Variants in RBM27 observed in about 807,000 individuals in gnomAD.
RBM27 encodes the protein RNA-binding protein 27.
RBM27 carries 22 observed loss-of-function variants against 135.3 expected under a neutral mutation model. The ratio of observed to expected loss-of-function variants is 0.16; its 90% confidence interval spans 0.12 to 0.23. The LOEUF (loss-of-function observed/expected upper bound fraction) is 0.23. RBM27 is among the 10% of genes least tolerant of loss of function. RBM27 has a pLI of 1.00. For synonymous variants in RBM27, 481 were observed against 442.4 expected, an observed-to-expected ratio of 1.09 and a Z score of -1.10; for missense variants, 1,009 against 1,281.0, an observed-to-expected ratio of 0.79 and a Z score of 3.24.
At chr5:146,246,633 A>G (rs1037115780) in intron 8 of RBM27, among the ~76,000 whole-genome samples, 9 of 152,158 alleles carry the variant, frequency 5.9e-5, no homozygotes, top group African/African-American at 2.2e-4. Flanking sequence ...AGCTATGATC[A>G]CACCTATGAA....
intron 8 of RBM27, among the ~76,000 whole-genome samples, chr5:146,244,659 C>A (rs1036123038): frequency 1.3e-5 from 2 of 152,040 alleles, no homozygotes; most frequent in African/African-American, 4.8e-5. Flanking sequence ...CTACCTCAGC[C>A]TCCTGAGTAG....
rs1758401340 is a variant in RBM27, at chr5:146,261,645, G to C, written c.2029G>C (p.Glu677Gln). The change falls in exon 13 of 21, where the codon GAG becomes CAG. Residue 677 changes from glutamate to glutamine, a missense_variant. This residue lies in a region of RBM27 where 355 missense variants were observed against 427.3 expected (regional missense o/e 0.83). Coordinates refer to ENST00000265271, the MANE Select transcript of RBM27 (RefSeq NM_018989.2). ...AGTCTTGTGGCATAGGGAAAATAATGAGCAACCGACACTACAGTCCTCAGC... is the reference window on the plus strand; with the variant it reads ...AGTCTTGTGGCATAGGGAAAATAATCAGCAACCGACACTACAGTCCTCAGC... ...IRVLWHRENN[E>Q]QPTLQSSAQL... The C allele has an allele frequency of 1.2e-6, 2 of 1,614,154 alleles. No homozygotes were observed. Among genetic ancestry groups the C allele is most frequent in the African/African-American group, 2.7e-5 (2 of 75,028 alleles).
At chr5:146,249,765 G>A (rs1169721529) in intron 8 of RBM27, among the ~76,000 whole-genome samples, 1 of 148,890 alleles carries the variant, frequency 6.7e-6, no homozygotes, top group Non-Finnish European at 1.5e-5. Flanking sequence ...GTAATAATTA[G>A]CTGATTCTTT....
chr5:146,210,518 A>G (rs1440915725), intron 1 of RBM27, among the ~76,000 whole-genome samples: 1 of 152,106 alleles, frequency 6.6e-6, no homozygotes, highest in African/African-American at 2.4e-5. Context: ...AAAAAAAAAA[A>G]TATGTGAAAG....
At position 146,280,910 on chromosome 5, in the gene RBM27, T is replaced by G. The variant is rs531279272; in HGVS notation, c.2989-3712T>G. On this transcript the variant is annotated intron_variant, in intron 19 of 20. Coordinates refer to ENST00000265271, the MANE Select transcript of RBM27 (RefSeq NM_018989.2). The stretch of plus-strand genomic sequence containing the variant: ...TCTCGCTCTGTCACTCAGGCTGGAG[T>G]GCAGTGGCATGATCTTGGCTCACTG... Among the ~76,000 whole-genome samples, 3 of 152,246 alleles carry G rather than the reference T, an allele frequency of 2.0e-5. No individual in the cohort carries two copies. The East Asian group carries it at 5.8e-4, about 29-fold the overall frequency.
At chr5:146,270,885 C>A in intron 17 of RBM27, 69 bp from the exon 18 acceptor site, 1 of 936,640 alleles carries the variant, frequency 1.1e-6, no homozygotes, top group Non-Finnish European at 1.6e-6. Context: ...CATTGTGTAA[C>A]TATCATGTTC....
intron 13 of RBM27, 64 bp from the exon 14 acceptor site, chr5:146,263,427 T>C: frequency 6.7e-7 from 1 of 1,490,674 alleles, no homozygotes; most frequent in Non-Finnish European, 9.2e-7. Context: ...TCATCTTAAA[T>C]TTGTACCATT....
intron 1 of RBM27, among the ~76,000 whole-genome samples, chr5:146,217,158 G>A (rs1756231641): frequency 6.6e-6 from 1 of 151,776 alleles, no homozygotes; most frequent in Non-Finnish European, 1.5e-5. Context: ...GTAGAGACGG[G>A]GTTTCGTCAT....
rs767340431 is a variant in RBM27 at position 146,271,016 on chromosome 5, C to G, written c.2754C>G (p.Asp918Glu). Residue 918 changes from aspartate to glutamate, a missense_variant, in exon 18 of 21, where the codon GAC becomes GAG. Physicochemically the swap from Asp to Glu is conservative, Grantham distance 45 (BLOSUM62 2). This residue lies in a region of RBM27 where 355 missense variants were observed against 427.3 expected (regional missense o/e 0.83). Transcript: ENST00000265271. Reference sequence around the variant, plus strand: ...ACAAGAGGCTGTCCTCAGGAGAAGACACCACAGAATTACGGAAAAAACTCA... The same window carrying G: ...ACAAGAGGCTGTCCTCAGGAGAAGAGACCACAGAATTACGGAAAAAACTCA... ...DLHKRLSSGE[D>E]TTELRKKLSQ... 1.2e-6 allele frequency: 2 copies of G among 1,613,638 alleles called. No homozygotes were observed. The highest frequency in any genetic ancestry group is 1.7e-4 in the Middle Eastern group (1 of 6,060).
intron 12 of RBM27, 80 bp downstream of exon 12, chr5:146,260,978 A>G (rs1011835377): frequency 5.8e-6 from 8 of 1,369,516 alleles, no homozygotes; most frequent in Non-Finnish European, 7.1e-6. Flanking sequence ...CCTTGTTTAA[A>G]TGAGTCAGTG....
chr5:146,251,930 G>A (rs1390718897), intron 9 of RBM27, 55 bp downstream of exon 9: 22 of 1,569,488 alleles, frequency 1.4e-5, no homozygotes, highest in Non-Finnish European at 1.7e-5. Context: ...ACCTCAAGCT[G>A]GCCAGTCTAA....
Position 146,203,636 on chromosome 5 carries a change from G to T in RBM27, c.-130G>T. Reference sequence around the variant, plus strand: ...TGTTAGGCCCCGGCCGGGGGAGTAGGTTGAAGTCTCCTAAGATGCCCGGTG... The same window carrying T: ...TGTTAGGCCCCGGCCGGGGGAGTAGTTTGAAGTCTCCTAAGATGCCCGGTG... On this transcript the variant is annotated 5_prime_UTR_variant, in exon 1 of 21. Coordinates refer to ENST00000265271, the MANE Select transcript of RBM27 (RefSeq NM_018989.2). The T allele has an allele frequency of 1.2e-6, 1 of 825,344 alleles. No individual in the cohort carries two copies. The highest frequency in any genetic ancestry group is 2.8e-5 in the East Asian group (1 of 36,056). 51.1% of individuals were successfully genotyped at this position (825,344 alleles called of 1,614,324 possible).
At position 146,213,082 on chromosome 5, in the gene RBM27, G is replaced by A. The variant is rs547391746; in HGVS notation, c.60-5903G>A. Among the ~76,000 whole-genome samples, 18 of 151,378 alleles carry A rather than the reference G, an allele frequency of 1.2e-4. No homozygotes were observed. In the South Asian group the frequency reaches 3.8e-3, roughly 32 times the overall value. ...TAGTTTATCATAAGTGTAACTACTG[G>A]TCAGAGAATATGGATTTTTTTTGTT... On this transcript the variant is annotated intron_variant, in intron 1 of 20. Transcript: ENST00000265271.
At chr5:146,279,579 G>A (rs1248688480) in intron 19 of RBM27, among the ~76,000 whole-genome samples, 5 of 151,962 alleles carry the variant, frequency 3.3e-5, no homozygotes, top group African/African-American at 7.2e-5. Context: ...AGGCCGAGGC[G>A]GGTGGATCAC....
At chr5:146,253,210 C>T (rs1757968486) in intron 9 of RBM27, among the ~76,000 whole-genome samples, 1 of 152,080 alleles carries the variant, frequency 6.6e-6, no homozygotes, top group South Asian at 2.1e-4. Flanking sequence ...GTTGGTCAGG[C>T]TGGTCTCGAA....
At chr5:146,265,757 CTG>C (rs1316957664) in intron 14 of RBM27, among the ~76,000 whole-genome samples, 1 of 152,178 alleles carries the variant, frequency 6.6e-6, no homozygotes, top group African/African-American at 2.4e-5. Context: ...TAAAACCCAT[CTG>C]TGAGCATTGT....
intron 8 of RBM27, among the ~76,000 whole-genome samples, chr5:146,244,431 C>T (rs1757533408): frequency 6.6e-6 from 1 of 152,084 alleles, no homozygotes; most frequent in Non-Finnish European, 1.5e-5. Flanking sequence ...GTCATAGACC[C>T]TGTGAAAATA....
chr5:146,239,775 CTTTT>C (rs754481130), intron 8 of RBM27, among the ~76,000 whole-genome samples: 2 of 119,416 alleles, frequency 1.7e-5, no homozygotes. Context: ...CACGCCTGGA[CTTTT>C]TTTTTTTTTT....
chr5:146,252,962 T>C (rs1374837983), intron 9 of RBM27, among the ~76,000 whole-genome samples: 3 of 152,302 alleles, frequency 2.0e-5, no homozygotes, highest in African/African-American at 2.4e-5. Flanking sequence ...CCTGTAACCA[T>C]TGAGGCAAAA....
Sources: allele counts gnomAD v4.1 joint callset (sites outside exome capture counted in the v4.1 genomes callset), GRCh38; gene constraint gnomAD v4.1.1; regional missense constraint gnomAD v4.1.1; transcripts MANE v1.5; gene names NCBI Gene and HGNC (gene_info 2026-07-23, HGNC 2026-07-21).